The following ROBO2 variants were observed in gnomAD, a reference collection of about 807,000 sequenced individuals.
The protein encoded by ROBO2 is roundabout guidance receptor 2.
ROBO2 carries 53 observed loss-of-function variants against 160.8 expected under a neutral mutation model. That is an observed-to-expected ratio of 0.33 (90% CI 0.26 to 0.41). ROBO2 has a LOEUF of 0.41. Among genes scored for constraint, ROBO2 ranks in the 10% least tolerant of loss-of-function variants. The pLI, the probability that ROBO2 is intolerant of heterozygous loss-of-function variation, is 1.00. For synonymous variants in ROBO2, 664 were observed against 611.7 expected, an observed-to-expected ratio of 1.09 and a Z score of -1.26; for missense variants, 1,577 against 1,722.4, an observed-to-expected ratio of 0.92 and a Z score of 1.49.
At chr3:76,229,807 G>T (rs1481066449) in intron 2 of ROBO2, among the ~76,000 whole-genome samples, 1 of 152,064 alleles carries the variant, frequency 6.6e-6, no homozygotes, top group Non-Finnish European at 1.5e-5. Context: ...TTACAGAGGG[G>T]TAACAACTAG....
At chr3:77,319,235 C>G (rs146894789) in intron 2 of ROBO2, among the ~76,000 whole-genome samples, 3 of 152,260 alleles carry the variant, frequency 2.0e-5, no homozygotes, top group Non-Finnish European at 4.4e-5. Context: ...TCACAGAACT[C>G]TGGTTCATTT....
At chr3:77,156,841 A>T (rs1363105652) in intron 2 of ROBO2, among the ~76,000 whole-genome samples, 1 of 151,622 alleles carries the variant, frequency 6.6e-6, no homozygotes, top group Admixed American at 6.6e-5. Context: ...GTTAATTATT[A>T]AAAAGGCAAG....
At chr3:76,149,654 ACAT>A (rs200531777) in intron 2 of ROBO2, among the ~76,000 whole-genome samples, 2 of 128,774 alleles carry the variant, frequency 1.6e-5, no homozygotes, top group Non-Finnish European at 1.8e-5. Context: ...TCTAAAGCAC[ACAT>A]CATCTGTCTA....
intron 2 of ROBO2, among the ~76,000 whole-genome samples, chr3:76,177,663 T>A (rs920504969): frequency 6.6e-6 from 1 of 152,308 alleles, no homozygotes; most frequent in South Asian, 2.1e-4. Flanking sequence ...TACATGCTAA[T>A]TGTAATTCCC....
chr3:76,545,912 T>A (rs898007656), intron 2 of ROBO2, among the ~76,000 whole-genome samples: 8 of 151,852 alleles, frequency 5.3e-5, no homozygotes, highest in African/African-American at 1.9e-4. Flanking sequence ...GAAAACAGTA[T>A]ATTTCCATGT....
intron 2 of ROBO2, among the ~76,000 whole-genome samples, chr3:76,029,320 G>A (rs565481589): frequency 1.4e-3 from 208 of 151,858 alleles, no homozygotes; most frequent in African/African-American, 4.8e-3. Flanking sequence ...TTATATTAAT[G>A]TCTCCTAAAT....
At chr3:77,079,007 G>A (rs879273343) in intron 1 of ROBO2, among the ~76,000 whole-genome samples, 13 of 152,084 alleles carry the variant, frequency 8.5e-5, no homozygotes, top group Admixed American at 7.9e-4. Context: ...GCAGTGGTGC[G>A]ATCTCGGCTC....
intron 2 of ROBO2, among the ~76,000 whole-genome samples, chr3:76,185,791 A>T (rs769601823): frequency 6.6e-6 from 1 of 152,164 alleles, no homozygotes; most frequent in Non-Finnish European, 1.5e-5. Context: ...TGACAATAAG[A>T]TACCATCAGA....
intron 2 of ROBO2, among the ~76,000 whole-genome samples, chr3:76,237,728 T>C (rs1238004065): frequency 4.0e-5 from 6 of 151,806 alleles, no homozygotes; most frequent in African/African-American, 7.3e-5. Context: ...CAGAAAGAAA[T>C]AGGAAAAAAA....
At chr3:77,317,331 C>G (rs1407756663) in intron 2 of ROBO2, 10 of 779,734 alleles carry the variant, frequency 1.3e-5, no homozygotes, top group Middle Eastern at 2.4e-4. Context: ...CCTCAGGCCA[C>G]GTGCAAGCTG....
At position 76,398,084 on chromosome 3, in the gene ROBO2, A is replaced by C. The variant is rs1444261756; in HGVS notation, c.109+460482A>C. On this transcript the variant is annotated intron_variant, in intron 2 of 26. Coordinates refer to the ROBO2 transcript ENST00000487694. ...AGACTTGGAACCAACCCAAATGTCCAACAATGATAGACTGGATTAAGAAAA... is the reference window on the plus strand; with the variant it reads ...AGACTTGGAACCAACCCAAATGTCCCACAATGATAGACTGGATTAAGAAAA... 2.0e-5 allele frequency among the ~76,000 whole-genome samples: 3 copies of C among 152,166 alleles called. 1 individual carries two copies. Among genetic ancestry groups the C allele is most frequent in the Admixed American group, 2.0e-4 (3 of 15,268 alleles).
chr3:76,427,589 G>A (rs192308919), intron 2 of ROBO2, among the ~76,000 whole-genome samples: 21 of 152,192 alleles, frequency 1.4e-4, no homozygotes, highest in Admixed American at 5.9e-4. Context: ...TGTCAAAAGA[G>A]CAATTCTATA....
chr3:76,729,635 CTCTCT>C (rs2093603741), intron 2 of ROBO2, among the ~76,000 whole-genome samples: 1 of 137,920 alleles, frequency 7.3e-6, no homozygotes, highest in African/African-American at 3.0e-5. Context: ...CTGTCTCTCT[CTCTCT>C]TTTTTTTTTT....
At chr3:76,760,909 C>T (rs2108368797) in intron 2 of ROBO2, among the ~76,000 whole-genome samples, 1 of 151,590 alleles carries the variant, frequency 6.6e-6, no homozygotes, top group African/African-American at 2.4e-5. Context: ...TATTGTTCTA[C>T]AACCTTGTAT....
chr3:77,294,844 G>A (rs1023984390), intron 2 of ROBO2, among the ~76,000 whole-genome samples: 5 of 151,208 alleles, frequency 3.3e-5, no homozygotes, highest in Admixed American at 6.6e-5. Context: ...ATGGTTAAAC[G>A]GGAAGTTGAG....
At chr3:76,968,125 CA>C (rs1312465431) in intron 2 of ROBO2, among the ~76,000 whole-genome samples, 17 of 152,024 alleles carry the variant, frequency 1.1e-4, no homozygotes, top group Non-Finnish European at 1.5e-5. Flanking sequence ...TCATTGCACT[CA>C]AACACCAAAT....
At chr3:76,995,181 T>A (rs2060923638) in intron 2 of ROBO2, among the ~76,000 whole-genome samples, 1 of 142,528 alleles carries the variant, frequency 7.0e-6, no homozygotes, top group Admixed American at 7.4e-5. Flanking sequence ...TTCCCACCTA[T>A]GAGTGAGAAT....
In ROBO2 at chr3:77,499,921, A is replaced by G. The variant is rs370233103; in HGVS notation, c.806+6539A>G. Among the ~76,000 whole-genome samples, 15 of 152,244 alleles carry G rather than the reference A, an allele frequency of 9.9e-5. No individual in the cohort carries two copies. The South Asian group carries it at 1.9e-3, about 19-fold the overall frequency. Reference sequence around the variant, plus strand: ...CTCAGCCTCCCAAACTGCTGGGATTACAGGTGTGAGCCACCGTGTCTGGCC... The same window carrying G: ...CTCAGCCTCCCAAACTGCTGGGATTGCAGGTGTGAGCCACCGTGTCTGGCC... On this transcript the variant is annotated intron_variant, in intron 5 of 25. Coordinates refer to ENST00000461745, the Ensembl canonical transcript of ROBO2.
intron 2 of ROBO2, among the ~76,000 whole-genome samples, chr3:76,708,525 AC>A (rs1343760708): frequency 6.6e-6 from 1 of 152,180 alleles, no homozygotes; most frequent in Non-Finnish European, 1.5e-5. Flanking sequence ...AAAAACAACA[AC>A]CAAAAACCAC....
Sources: allele counts gnomAD v4.1 joint callset (sites outside exome capture counted in the v4.1 genomes callset), GRCh38; gene constraint gnomAD v4.1.1; transcripts MANE v1.5; gene names NCBI Gene and HGNC (gene_info 2026-07-23, HGNC 2026-07-21).